The following CDH18 variants were observed in gnomAD, a reference collection of about 807,000 sequenced individuals.
CDH18 encodes the protein cadherin 18.
A neutral mutation model predicts 67.9 loss-of-function variants in CDH18; 31 were observed. The ratio of observed to expected loss-of-function variants is 0.46; its 90% CI spans 0.34 to 0.62. The LOEUF is 0.62. Among genes scored for constraint, CDH18 ranks in the 20% least tolerant of loss-of-function variants. The probability of loss-of-function intolerance (pLI) is 0.01; values close to 1 mark genes in which losing one functional copy is unlikely to be tolerated. For synonymous variants in CDH18, 362 were observed against 347.2 expected (o/e 1.04, Z -0.48); for missense variants, 890 against 975.5 (o/e 0.91, Z 1.17).
chr5:19,631,351 G>C (rs918133355), intron 5 of CDH18, among the ~76,000 whole-genome samples: 2 of 151,968 alleles, frequency 1.3e-5, no homozygotes, highest in African/African-American at 4.8e-5. Flanking sequence ...CCTTGTTTTG[G>C]CATTTGAGAA....
chr5:19,531,374 G>A (rs1258801190), intron 9 of CDH18, among the ~76,000 whole-genome samples: 1 of 152,028 alleles, frequency 6.6e-6, no homozygotes, highest in Admixed American at 6.5e-5. Context: ...TCATTTCTCT[G>A]TGGTGAAATG....
At chr5:19,796,450 C>G (rs911207965) in intron 3 of CDH18, among the ~76,000 whole-genome samples, 1 of 152,068 alleles carries the variant, frequency 6.6e-6, no homozygotes, top group African/African-American at 2.4e-5. Flanking sequence ...AAGAGTAGAA[C>G]TGTCAACTAC....
rs538752347 is a variant in CDH18 at position 19,681,265 on chromosome 5, CA to C, written c.643+40081del. Among the ~76,000 whole-genome samples the C allele has an allele frequency of 6.8e-3, 1,033 of 151,972 alleles. 12 individuals carry two copies. The highest frequency in any genetic ancestry group is 0.024 in the African/African-American group (995 of 41,500). On this transcript the variant is annotated intron_variant, in intron 5 of 12. Coordinates refer to ENST00000382275, the MANE Select transcript of CDH18 (RefSeq NM_004934.5). The stretch of plus-strand genomic sequence containing the variant: ...CGCAAGGTGGGAGTAGACAGAGGAT[CA>C]AAAACTACCTATCAGGTACTATGCT...
chr5:19,896,830 A>G (rs1789395332), intron 2 of CDH18, among the ~76,000 whole-genome samples: 1 of 152,222 alleles, frequency 6.6e-6, no homozygotes, highest in Admixed American at 6.5e-5. Context: ...TTCATATTGC[A>G]TTATAACTTT....
chr5:19,577,081 C>A (rs1742436581), intron 7 of CDH18, among the ~76,000 whole-genome samples: 1 of 152,016 alleles, frequency 6.6e-6, no homozygotes, highest in African/African-American at 2.4e-5. Context: ...TTACCAGAGG[C>A]TGGGAATAGA....
intron 2 of CDH18, among the ~76,000 whole-genome samples, chr5:20,064,743 A>G (rs1742822135): frequency 1.3e-5 from 2 of 152,200 alleles, no homozygotes; most frequent in South Asian, 4.1e-4. Flanking sequence ...TAAACAGAAC[A>G]GTATTAAACA....
Position 19,926,110 on chromosome 5 carries a change from A to T in CDH18, c.-257+54950T>A, listed in dbSNP as rs1793053364. On this transcript the variant is annotated intron_variant, in intron 2 of 12. Transcript: ENST00000382275. ...TGCAATTTTTTTTCAAATTGTTGCAAATCTCTAAAAATTTGTTCCATGTAT... is the reference window on the plus strand; with the variant it reads ...TGCAATTTTTTTTCAAATTGTTGCATATCTCTAAAAATTTGTTCCATGTAT... Among the ~76,000 whole-genome samples the T allele has an allele frequency of 3.3e-5, 5 of 152,218 alleles. No individual in the cohort carries two copies. The South Asian group carries it at 8.3e-4, about 25-fold the overall frequency.
chr5:19,694,939 T>A (rs1762357649), intron 5 of CDH18, among the ~76,000 whole-genome samples: 2 of 151,376 alleles, frequency 1.3e-5, no homozygotes, highest in African/African-American at 2.4e-5. Flanking sequence ...CTAGAAAATG[T>A]TAAGATGAAA....
chr5:19,636,376 T>A (rs1446585084), intron 5 of CDH18, among the ~76,000 whole-genome samples: 1 of 152,018 alleles, frequency 6.6e-6, no homozygotes, highest in Non-Finnish European at 1.5e-5. Flanking sequence ...AAAACATGCA[T>A]CAAAACGTTT....
chr5:19,518,984 A>G (rs1746460258), intron 10 of CDH18, among the ~76,000 whole-genome samples: 1 of 152,168 alleles, frequency 6.6e-6, no homozygotes, highest in Non-Finnish European at 1.5e-5. Flanking sequence ...CAATTACAAG[A>G]CAGCCAACTG....
intron 2 of CDH18, among the ~76,000 whole-genome samples, chr5:20,221,388 C>T (rs1741210119): frequency 6.6e-6 from 1 of 152,034 alleles, no homozygotes. Context: ...CATGTTTCCA[C>T]TCATGTGTGG....
intron 5 of CDH18, among the ~76,000 whole-genome samples, chr5:19,704,956 C>A (rs1763754300): frequency 6.6e-6 from 1 of 152,146 alleles, no homozygotes; most frequent in African/African-American, 2.4e-5. Flanking sequence ...TGTTTCTTTA[C>A]TATTCCCTTA....
chr5:20,428,090 C>G lies in CDH18; in HGVS notation c.-580+147372G>C, dbSNP rs529888817. Among the ~76,000 whole-genome samples the G allele has an allele frequency of 6.0e-5, 9 of 150,946 alleles. No homozygotes were observed. In the South Asian group the frequency reaches 8.3e-4, roughly 14 times the overall value. On this transcript the variant is annotated intron_variant, in intron 1 of 14. Coordinates refer to the CDH18 transcript ENST00000507958. Reference sequence around the variant, plus strand: ...AGGTACTTGTCCTAATGCTCTCCCTCTCCTTTTCCCCCACCCACCAACAGG... The same window carrying G: ...AGGTACTTGTCCTAATGCTCTCCCTGTCCTTTTCCCCCACCCACCAACAGG...
At chr5:19,863,643 C>A (rs963749571) in intron 2 of CDH18, among the ~76,000 whole-genome samples, 6 of 152,120 alleles carry the variant, frequency 3.9e-5, no homozygotes, top group Non-Finnish European at 7.4e-5. Flanking sequence ...AGAACATGAT[C>A]CTCCCTTCTC....
At chr5:20,247,170 T>C (rs1743445233) in intron 2 of CDH18, among the ~76,000 whole-genome samples, 1 of 152,176 alleles carries the variant, frequency 6.6e-6, no homozygotes, top group African/African-American at 2.4e-5. Flanking sequence ...AAAGATGCTG[T>C]TCCTTCCCTA....
chr5:20,340,791 A>G (rs1740192032), intron 1 of CDH18, among the ~76,000 whole-genome samples: 1 of 152,156 alleles, frequency 6.6e-6, no homozygotes, highest in Non-Finnish European at 1.5e-5. Context: ...CTCCTGTAGC[A>G]TGACCGTGAT....
chr5:19,786,756 C>A (rs1233865340), intron 3 of CDH18, among the ~76,000 whole-genome samples: 5 of 151,964 alleles, frequency 3.3e-5, no homozygotes, highest in Non-Finnish European at 5.9e-5. Flanking sequence ...AGAGAAAATC[C>A]TAGAATCTTA....
chr5:19,511,741 T>C (rs1286593235), intron 10 of CDH18, among the ~76,000 whole-genome samples: 1 of 152,166 alleles, frequency 6.6e-6, no homozygotes, highest in East Asian at 1.9e-4. Context: ...TTCAGTTTTA[T>C]GCATTTCAAA....
At chr5:19,658,671 T>A (rs1000087914) in intron 5 of CDH18, among the ~76,000 whole-genome samples, 1 of 151,908 alleles carries the variant, frequency 6.6e-6, no homozygotes, top group African/African-American at 2.4e-5. Flanking sequence ...TTTTTTTAAA[T>A]TATAAATTTT....
Sources: allele counts gnomAD v4.1 joint callset (sites outside exome capture counted in the v4.1 genomes callset), GRCh38; gene constraint gnomAD v4.1.1; transcripts MANE v1.5; gene names NCBI Gene and HGNC (gene_info 2026-07-23, HGNC 2026-07-21).